FNDC3A: variants seen among roughly 807,000 people sequenced by gnomAD.
FNDC3A encodes the protein fibronectin type-III domain-containing protein 3A.
A neutral mutation model predicts 148.9 loss-of-function variants in FNDC3A; 32 were observed. The observed-to-expected ratio is 0.21, with a 90% CI of 0.16 to 0.29. FNDC3A has a LOEUF of 0.29. Ranked by LOEUF, FNDC3A falls within the 10% of genes least tolerant of loss-of-function variation. The pLI is 1.00. For synonymous variants in FNDC3A, 472 were observed against 473.6 expected, an observed-to-expected ratio of 1.00 and a Z score of 0.04; for missense variants, 1,191 against 1,452.8, an observed-to-expected ratio of 0.82 and a Z score of 2.93.
At chr13:49,183,819 G>T (rs868226418) in intron 14 of FNDC3A, among the ~76,000 whole-genome samples, 4 of 152,066 alleles carry the variant, frequency 2.6e-5, no homozygotes, top group Admixed American at 6.6e-5. Context: ...ATTTATTTGG[G>T]GTGGTAGATT....
At chr13:49,067,738 A>G (rs1877360419) in intron 2 of FNDC3A, among the ~76,000 whole-genome samples, 1 of 152,190 alleles carries the variant, frequency 6.6e-6, no homozygotes, top group South Asian at 2.1e-4. Flanking sequence ...TCTGATGAAA[A>G]CAGTGCTCAG....
intron 6 of FNDC3A, among the ~76,000 whole-genome samples, chr13:49,136,992 A>G (rs1593643448): frequency 6.6e-6 from 1 of 151,792 alleles, no homozygotes; most frequent in East Asian, 2.0e-4. Context: ...ACACCCAGCT[A>G]ATTTTTTAAT....
intron 19 of FNDC3A, 122 bp from the exon 20 acceptor site, chr13:49,196,755 C>T: frequency 4.0e-6 from 2 of 501,452 alleles, no homozygotes; most frequent in Non-Finnish European, 3.6e-6. Context: ...GAATTATGAC[C>T]AAATTAATCT....
intron 8 of FNDC3A, among the ~76,000 whole-genome samples, chr13:49,161,949 G>A (rs893863162): frequency 2.6e-5 from 4 of 152,168 alleles, no homozygotes; most frequent in Non-Finnish European, 5.9e-5. Context: ...CTCTCTTCTG[G>A]CTTGTAGGGT....
At chr13:49,183,981 A>G (rs1566312904) in intron 14 of FNDC3A, among the ~76,000 whole-genome samples, 1 of 152,252 alleles carries the variant, frequency 6.6e-6, no homozygotes, top group Non-Finnish European at 1.5e-5. Flanking sequence ...GGAGTGGACA[A>G]TAAATAAGCA....
At chr13:49,160,374 T>C (rs1269811850) in intron 8 of FNDC3A, among the ~76,000 whole-genome samples, 5 of 151,986 alleles carry the variant, frequency 3.3e-5, no homozygotes, top group Non-Finnish European at 4.4e-5. Flanking sequence ...GGAATTTATC[T>C]GTTTCTTCTA....
At chr13:49,060,823 C>T (rs556313886) in intron 2 of FNDC3A, among the ~76,000 whole-genome samples, 76 of 151,974 alleles carry the variant, frequency 5.0e-4, no homozygotes, top group African/African-American at 1.5e-3. Flanking sequence ...TTGGTGATTA[C>T]CAGGGGCTCG....
chr13:49,066,593 A>G (rs768519400), intron 2 of FNDC3A, among the ~76,000 whole-genome samples: 11 of 152,362 alleles, frequency 7.2e-5, no homozygotes, highest in Non-Finnish European at 1.2e-4. Flanking sequence ...AGACTTAAGT[A>G]ACATACCCAA....
At chr13:49,020,927 A>G (rs1025867224) in intron 2 of FNDC3A, among the ~76,000 whole-genome samples, 13 of 152,244 alleles carry the variant, frequency 8.5e-5, no homozygotes, top group Non-Finnish European at 1.5e-5. Flanking sequence ...CACTATAAAA[A>G]TAGTAAATTA....
rs932839440 is a variant in FNDC3A, at chr13:49,209,576, T to C, written c.*2181T>C. 6.6e-6 allele frequency: 1 copy of C among 152,628 alleles called. No individual in the cohort carries two copies. Among genetic ancestry groups the C allele is most frequent in the Non-Finnish European group, 1.5e-5 (1 of 68,042 alleles). 9.5% of individuals were successfully genotyped at this position (152,628 alleles called of 1,614,324 possible). A position where few individuals can be genotyped will look rare whatever the true frequency, so the allele number is the denominator to read the frequency against. On this transcript the variant is annotated 3_prime_UTR_variant, in exon 26 of 26. Transcript: ENST00000492622. Reference sequence around the variant, plus strand: ...CTGTAAAATCCATGGAAAATAAAAGTTGTATCATTCTTTTTGAGATACGTT... The same window carrying C: ...CTGTAAAATCCATGGAAAATAAAAGCTGTATCATTCTTTTTGAGATACGTT...
chr13:49,207,445 TA>T lies in FNDC3A; in HGVS notation c.*54del, dbSNP rs761663370. 4.3e-6 allele frequency: 5 copies of T among 1,154,488 alleles called. No individual in the cohort carries two copies. The highest frequency in any genetic ancestry group is 6.1e-6 in the Non-Finnish European group (5 of 813,986). The allele number at this position is 1,154,488 out of a possible 1,614,324, so 71.5% of individuals were successfully genotyped here. A position where few individuals can be genotyped will look rare whatever the true frequency, so the allele number is the denominator to read the frequency against. On this transcript the variant is annotated 3_prime_UTR_variant, in exon 26 of 26. Transcript: ENST00000492622. ...TATTACATTTTATTTTGTCATGTAC[TA>T]AAATTATTTCTGTATTGCTTTTATA...
chr13:49,158,888 G>A (rs1289793360), intron 8 of FNDC3A, among the ~76,000 whole-genome samples: 6 of 152,118 alleles, frequency 3.9e-5, no homozygotes, highest in Admixed American at 2.0e-4. Context: ...TCCTTTCCCC[G>A]TTTCTTGTTT....
intron 1 of FNDC3A, among the ~76,000 whole-genome samples, chr13:48,992,293 A>T (rs114106419): frequency 4.6e-5 from 7 of 152,350 alleles, no homozygotes; most frequent in African/African-American, 1.7e-4. Flanking sequence ...TGACAAATCG[A>T]TAAATTGTAC....
At chr13:49,001,139 G>T (rs562104446) in intron 1 of FNDC3A, among the ~76,000 whole-genome samples, 1 of 152,302 alleles carries the variant, frequency 6.6e-6, no homozygotes, top group African/African-American at 2.4e-5. Flanking sequence ...CATAAATTGT[G>T]AAGATTTCAT....
rs559124415 is a variant in FNDC3A, at chr13:49,026,126, C to A, written c.99+19837C>A. On this transcript the variant is annotated intron_variant, in intron 2 of 25. Transcript: ENST00000492622. Reference sequence around the variant, plus strand: ...GTGTGAATCTATACTATGGATAAATCTCAAAAATACAGTATTGAGTAAAAT... The same window carrying A: ...GTGTGAATCTATACTATGGATAAATATCAAAAATACAGTATTGAGTAAAAT... Among the ~76,000 whole-genome samples the A allele has an allele frequency of 2.0e-5, 3 of 152,108 alleles. No homozygotes were observed. The East Asian group carries it at 5.8e-4, about 29-fold the overall frequency.
intron 2 of FNDC3A, among the ~76,000 whole-genome samples, chr13:49,069,176 GATT>G (rs1748977202): frequency 6.6e-6 from 1 of 152,088 alleles, no homozygotes; most frequent in African/African-American, 2.4e-5. Flanking sequence ...TAACTGAAAA[GATT>G]AGAAAAAACA....
At chr13:49,197,597 TG>T in intron 20 of FNDC3A, 127 bp from the exon 21 acceptor site, 1 of 698,538 alleles carries the variant, frequency 1.4e-6, no homozygotes, top group South Asian at 2.0e-5. Context: ...GTTTTGATTG[TG>T]CTTAAAAGTT....
At chr13:49,177,058 A>G (rs1885066440) in intron 13 of FNDC3A, among the ~76,000 whole-genome samples, 1 of 152,290 alleles carries the variant, frequency 6.6e-6, no homozygotes, top group Middle Eastern at 3.4e-3. Flanking sequence ...TCAGCCTCCC[A>G]AAGTGCTGAG....
chr13:49,120,029 A>T (rs1350908028), intron 4 of FNDC3A, among the ~76,000 whole-genome samples: 12 of 152,072 alleles, frequency 7.9e-5, no homozygotes, highest in Non-Finnish European at 5.9e-5. Context: ...AACCCAAGAC[A>T]CGTAATTGTC....
Sources: allele counts gnomAD v4.1 joint callset (sites outside exome capture counted in the v4.1 genomes callset), GRCh38; gene constraint gnomAD v4.1.1; transcripts MANE v1.5; gene names NCBI Gene and HGNC (gene_info 2026-07-23, HGNC 2026-07-21).